LRRFIP2: variants seen among roughly 807,000 people sequenced by gnomAD.
LRRFIP2 encodes LRR binding FLII interacting protein 2.
In LRRFIP2, 109 loss-of-function variants were observed where a neutral mutation model predicts 125.9. The ratio of observed to expected loss-of-function variants is 0.87; its 90% CI spans 0.74 to 1.01. The LOEUF (loss-of-function observed/expected upper bound fraction) is 1.01. Ranked by LOEUF, LRRFIP2 falls within the 50% of genes least tolerant of loss-of-function variation. The pLI is 0.00. For synonymous variants in LRRFIP2, 291 were observed against 293.1 expected, an observed-to-expected ratio of 0.99 and a Z score of 0.07; for missense variants, 850 against 862.3, an observed-to-expected ratio of 0.99 and a Z score of 0.18.
At chr3:37,109,001 C>T (rs1464702751) in intron 11 of LRRFIP2, among the ~76,000 whole-genome samples, 3 of 152,144 alleles carry the variant, frequency 2.0e-5, no homozygotes, top group African/African-American at 7.2e-5. Context: ...AACTGAGGTA[C>T]AAAGAGCATT....
chr3:37,129,455 T>C (rs947770078), intron 2 of LRRFIP2, among the ~76,000 whole-genome samples: 8 of 152,080 alleles, frequency 5.3e-5, no homozygotes, highest in Non-Finnish European at 7.3e-5. Context: ...CAGAATTTTT[T>C]CCCCATTGAT....
At chr3:37,116,483 G>A (rs1460493860) in intron 6 of LRRFIP2, among the ~76,000 whole-genome samples, 1 of 151,764 alleles carries the variant, frequency 6.6e-6, no homozygotes, top group Non-Finnish European at 1.5e-5. Flanking sequence ...AATATTAGAG[G>A]GTGTTGTGCA....
chr3:37,080,257 G>A lies in LRRFIP2; in HGVS notation c.1278+3379C>T, dbSNP rs536902762. Reference sequence around the variant, plus strand: ...ACTAAAAATACAAAATTAGCCAGGCGTGGTGGTCCATGCCTGTAATCCCAG... The same window carrying A: ...ACTAAAAATACAAAATTAGCCAGGCATGGTGGTCCATGCCTGTAATCCCAG... On this transcript the variant is annotated intron_variant, in intron 19 of 27. Transcript: ENST00000336686. Among the ~76,000 whole-genome samples the A allele has an allele frequency of 7.2e-5, 11 of 151,966 alleles. No homozygotes were observed. In the East Asian group the frequency reaches 9.7e-4, roughly 13 times the overall value.
chr3:37,105,044 A>C (rs1001617679), intron 14 of LRRFIP2, among the ~76,000 whole-genome samples: 1 of 152,224 alleles, frequency 6.6e-6, no homozygotes, highest in African/African-American at 2.4e-5. Flanking sequence ...CACTGGTTAA[A>C]TCTAAATACA....
At position 37,102,930 on chromosome 3, in the gene LRRFIP2, CA is replaced by C; in HGVS notation, c.866del (p.Leu289CysfsTer31). ...CCCCATGCAATACACTCACGCTGGACAAATCTGGGATACTGATATCATCCAC... is the reference window on the plus strand; with the variant it reads ...CCCCATGCAATACACTCACGCTGGACAATCTGGGATACTGATATCATCCAC... Reference protein sequence around the residue: ...SEVDDISIPDLSSLDEKSDKQ... With the variant: ...SEVDDISIPDXSSLDEKSDKQ... On this transcript the variant is annotated frameshift_variant, in exon 15 of 28. Coordinates refer to ENST00000336686, the MANE Select transcript of LRRFIP2 (RefSeq NM_006309.4). LOFTEE classifies it high-confidence loss of function. 1 of 1,558,018 alleles carries C rather than the reference CA, an allele frequency of 6.4e-7. No homozygotes were observed. The highest frequency in any genetic ancestry group is 8.7e-7 in the Non-Finnish European group (1 of 1,149,360).
At chr3:37,081,892 GAAAAAA>G (rs67658865) in intron 19 of LRRFIP2, among the ~76,000 whole-genome samples, 3 of 68,342 alleles carry the variant, frequency 4.4e-5, no homozygotes, top group African/African-American at 1.4e-4. Context: ...GTCTCCAAAA[GAAAAAA>G]AAAAAAAAAA....
At chr3:37,098,649 T>C (rs2093858994) in intron 15 of LRRFIP2, among the ~76,000 whole-genome samples, 1 of 152,100 alleles carries the variant, frequency 6.6e-6, no homozygotes, top group Non-Finnish European at 1.5e-5. Context: ...CACCTCAGCC[T>C]CCCAAAGTGC....
At chr3:37,172,310 T>G (rs2096596435) in intron 1 of LRRFIP2, among the ~76,000 whole-genome samples, 1 of 151,980 alleles carries the variant, frequency 6.6e-6, no homozygotes, top group South Asian at 2.1e-4. Context: ...GGAAAATGAA[T>G]AAATTATGGT....
intron 4 of LRRFIP2, among the ~76,000 whole-genome samples, chr3:37,126,082 G>A (rs2095263262): frequency 6.6e-6 from 1 of 152,174 alleles, no homozygotes; most frequent in Non-Finnish European, 1.5e-5. Context: ...AGGCTAGAGT[G>A]CAGTGGCACA....
rs1471284813 is a variant in LRRFIP2, at chr3:37,102,956, C to T, written c.841G>A (p.Val281Met). 2 of 1,565,360 alleles carry T rather than the reference C, an allele frequency of 1.3e-6. No homozygotes were observed. Among genetic ancestry groups the T allele is most frequent in the Non-Finnish European group, 1.7e-6 (2 of 1,153,210 alleles). ...AAATCTGGGATACTGATATCATCCACCTCAGAGACAACACTTCCCCTACGA... is the reference window on the plus strand; with the variant it reads ...AAATCTGGGATACTGATATCATCCATCTCAGAGACAACACTTCCCCTACGA... ...SNRRGSVVSE[V>M]DDISIPDLSS... The change falls in exon 15 of 28, where the codon GTG becomes ATG. Residue 281 changes from valine to methionine, a missense_variant. By Grantham distance (21) the Val-to-Met change is conservative. Transcript: ENST00000336686.
chr3:37,121,420 T>C (rs1037020445), intron 6 of LRRFIP2, 72 bp downstream of exon 6: 1 of 1,381,218 alleles, frequency 7.2e-7, no homozygotes, highest in Non-Finnish European at 1.0e-6. Flanking sequence ...CATTGTCAGA[T>C]TGTTTAGGCA....
intron 2 of LRRFIP2, among the ~76,000 whole-genome samples, chr3:37,144,990 G>A (rs892782757): frequency 1.3e-5 from 2 of 152,088 alleles, no homozygotes; most frequent in African/African-American, 4.8e-5. Context: ...TGACACTCAT[G>A]CCAAAAAAAC....
chr3:37,054,494 C>G lies in LRRFIP2; in HGVS notation c.1972G>C (p.Val658Leu). The change falls in exon 27 of 28, where the codon GTT becomes CTT. Residue 658 changes from valine (V) to leucine (L), a missense_variant. Physicochemically the swap from Val to Leu is conservative, Grantham distance 32 (BLOSUM62 1). Coordinates refer to ENST00000336686, the MANE Select transcript of LRRFIP2 (RefSeq NM_006309.4). ...TCAGCAGCAGTTTTATATCTCAGAACCTGTCCCTCAAGCCGGCTAATCTGT... is the reference window on the plus strand; with the variant it reads ...TCAGCAGCAGTTTTATATCTCAGAAGCTGTCCCTCAAGCCGGCTAATCTGT... ...EQSISRLEGQ[V>L]LRYKTAAENA... The G allele has an allele frequency of 6.2e-7, 1 of 1,613,906 alleles. No individual in the cohort carries two copies. Among genetic ancestry groups the G allele is most frequent in the South Asian group, 1.1e-5 (1 of 91,030 alleles).
intron 17 of LRRFIP2, among the ~76,000 whole-genome samples, chr3:37,091,858 T>G (rs1401580062): frequency 6.6e-6 from 1 of 152,224 alleles, no homozygotes; most frequent in African/African-American, 2.4e-5. Flanking sequence ...ATATTTAAAA[T>G]CATACAACTT....
chr3:37,075,772 G>A (rs1458739274), intron 19 of LRRFIP2, among the ~76,000 whole-genome samples: 1 of 151,986 alleles, frequency 6.6e-6, no homozygotes, highest in Non-Finnish European at 1.5e-5. Flanking sequence ...AAAGAAGAAA[G>A]CCGGCCTTAT....
At chr3:37,156,207 T>C (rs1433969276) in intron 1 of LRRFIP2, among the ~76,000 whole-genome samples, 1 of 152,138 alleles carries the variant, frequency 6.6e-6, no homozygotes, top group Non-Finnish European at 1.5e-5. Flanking sequence ...CAGCCAAGCA[T>C]GGTGGCTCAC....
Position 37,091,535 on chromosome 3 carries a change from T to C in LRRFIP2, c.1039A>G (p.Ile347Val), listed in dbSNP as rs1250305720. The C allele has an allele frequency of 1.2e-6, 2 of 1,607,648 alleles. No individual in the cohort carries two copies. The highest frequency in any genetic ancestry group is 3.4e-5 in the Admixed American group (2 of 58,730). The stretch of plus-strand genomic sequence containing the variant: ...TGTATCTGGTCCTTAAGGTCATAGA[T>C]ATCCTGCAGGACATAGGAATGAACC... ...PDTSLSELRD[I>V]YDLKDQIQDV... Residue 347 changes from isoleucine (I) to valine (V), a missense_variant, in exon 18 of 28, where the codon ATC (isoleucine) becomes GTC (valine). Coordinates refer to ENST00000336686, the MANE Select transcript of LRRFIP2 (RefSeq NM_006309.4).
At chr3:37,106,431 G>T (rs139995035) in intron 13 of LRRFIP2, among the ~76,000 whole-genome samples, 1 of 152,072 alleles carries the variant, frequency 6.6e-6, no homozygotes, top group Non-Finnish European at 1.5e-5. Context: ...AACCATTCTG[G>T]CATCACTAAA....
chr3:37,165,972 G>A (rs1004197379), intron 1 of LRRFIP2, among the ~76,000 whole-genome samples: 4 of 152,146 alleles, frequency 2.6e-5, no homozygotes, highest in Non-Finnish European at 5.9e-5. Context: ...TATTGAATTT[G>A]GCAATGATTT....
Sources: allele counts gnomAD v4.1 joint callset (sites outside exome capture counted in the v4.1 genomes callset), GRCh38; gene constraint gnomAD v4.1.1; transcripts MANE v1.5; gene names NCBI Gene and HGNC (gene_info 2026-07-23, HGNC 2026-07-21).